CCDC178: variants seen among roughly 807,000 people sequenced by gnomAD.
CCDC178 encodes the protein coiled-coil domain-containing protein 178.
A neutral mutation model predicts 117.4 loss-of-function variants in CCDC178; 126 were observed. The ratio of observed to expected loss-of-function variants is 1.07; its 90% CI spans 0.93 to 1.24. The LOEUF (loss-of-function observed/expected upper bound fraction) is 1.24, where lower values mean the gene tolerates loss of function less well. Among genes scored for constraint, CCDC178 ranks in the 50% most tolerant of loss-of-function variants. The pLI, the probability that CCDC178 is intolerant of heterozygous loss-of-function variation, is 0.00. For missense variants in CCDC178, 1,030 were observed against 986.9 expected, an observed-to-expected ratio of 1.04 and a Z score of -0.59; for synonymous variants, 283 against 313.4, an observed-to-expected ratio of 0.90 and a Z score of 1.02.
At chr18:33,209,034 A>T (rs140775415) in intron 20 of CCDC178, among the ~76,000 whole-genome samples, 1 of 152,156 alleles carries the variant, frequency 6.6e-6, no homozygotes, top group East Asian at 1.9e-4. Context: ...TCTAAGGACA[A>T]CTCATAACAA....
intron 2 of CCDC178, among the ~76,000 whole-genome samples, chr18:33,425,332 T>G (rs1414100789): frequency 1.3e-5 from 2 of 152,118 alleles, no homozygotes; most frequent in African/African-American, 4.8e-5. Context: ...AAACACAATA[T>G]TTATGGAAAA....
At chr18:33,279,794 G>A (rs1287861434) in intron 12 of CCDC178, among the ~76,000 whole-genome samples, 10 of 152,092 alleles carry the variant, frequency 6.6e-5, no homozygotes, top group South Asian at 2.1e-4. Context: ...CAGAAATAAC[G>A]CCGCTTATCT....
intron 21 of CCDC178, among the ~76,000 whole-genome samples, chr18:33,003,439 T>G (rs1262044568): frequency 2.0e-5 from 3 of 152,164 alleles, no homozygotes; most frequent in Non-Finnish European, 2.9e-5. Flanking sequence ...GAAAACCACA[T>G]GATCATTCCA....
At chr18:33,258,286 C>G (rs1016818051) in intron 14 of CCDC178, among the ~76,000 whole-genome samples, 1 of 152,028 alleles carries the variant, frequency 6.6e-6, no homozygotes. Flanking sequence ...TGAATTACCC[C>G]TCTCATACAA....
intron 21 of CCDC178, among the ~76,000 whole-genome samples, chr18:32,990,804 G>A (rs1465107270): frequency 2.6e-5 from 4 of 151,922 alleles, no homozygotes; most frequent in South Asian, 2.1e-4. Flanking sequence ...CAGGATTTAT[G>A]TATAGATCTT....
chr18:33,035,399 A>T (rs1220152537), intron 21 of CCDC178, among the ~76,000 whole-genome samples: 3 of 152,020 alleles, frequency 2.0e-5, no homozygotes. Context: ...AAAATATCAC[A>T]TATATCCACA....
At chr18:33,330,515 G>A (rs1281080418) in intron 10 of CCDC178, among the ~76,000 whole-genome samples, 2 of 152,124 alleles carry the variant, frequency 1.3e-5, no homozygotes, top group Admixed American at 1.3e-4. Context: ...AGGAATTTAA[G>A]ATGTGATGGA....
At chr18:33,412,284 T>C (rs1333216781) in intron 2 of CCDC178, among the ~76,000 whole-genome samples, 174 bp from the exon 3 acceptor site, 18 of 152,090 alleles carry the variant, frequency 1.2e-4, no homozygotes, top group Admixed American at 1.2e-3. Flanking sequence ...CATTCAGAAA[T>C]ATCAAATATA....
intron 21 of CCDC178, chr18:32,983,209 G>A: frequency 1.2e-6 from 1 of 861,740 alleles, no homozygotes; most frequent in African/African-American, 1.7e-5. Context: ...GTGACAATGT[G>A]TGACACTTGT....
At chr18:33,278,323 C>A (rs1285454956) in intron 12 of CCDC178, among the ~76,000 whole-genome samples, 2 of 144,806 alleles carry the variant, frequency 1.4e-5, no homozygotes, top group South Asian at 2.1e-4. Context: ...ATATTTACTT[C>A]ATGAGAAAGA....
chr18:33,264,838 A>C (rs140468400), intron 14 of CCDC178, among the ~76,000 whole-genome samples: 1 of 152,070 alleles, frequency 6.6e-6, no homozygotes, highest in Non-Finnish European at 1.5e-5. Flanking sequence ...TTTTCCCTCT[A>C]TTACCAGCTA....
chr18:33,092,932 T>A lies in CCDC178; in HGVS notation c.2239-22A>T, dbSNP rs777391598. The A allele has an allele frequency of 2.5e-5, 35 of 1,423,942 alleles. 1 individual carries two copies. Among genetic ancestry groups the A allele is most frequent in the Non-Finnish European group, 3.2e-5 (33 of 1,044,258 alleles). 88.2% of individuals were successfully genotyped at this position (1,423,942 alleles called of 1,614,324 possible). On this transcript the variant is annotated intron_variant, in intron 20 of 22. Coordinates refer to ENST00000383096, the MANE Select transcript of CCDC178 (RefSeq NM_001105528.4). ...TTTTCTAGAAGGTAAAAAAATATAA[T>A]TGAATTGTGTGTATATATATATAAA... is the stretch of plus-strand genomic sequence containing the variant.
rs1252361615 is a variant in CCDC178, at chr18:33,215,545, C to T, written c.2078+5G>A. ...TTCATATTTTGATAAAGTTTAAGTA[C>T]TTACTTTAATATTTCAAGTGTCTGA... On this transcript the variant is annotated splice_donor_5th_base_variant and intron_variant, in intron 19 of 22. Coordinates refer to ENST00000383096, the MANE Select transcript of CCDC178 (RefSeq NM_001105528.4). 1.6e-5 allele frequency: 21 copies of T among 1,298,480 alleles called. No homozygotes were observed. Among genetic ancestry groups the T allele is most frequent in the Admixed American group, 3.3e-5 (1 of 29,974 alleles). The allele number at this position is 1,298,480 out of a possible 1,614,324, so 80.4% of individuals were successfully genotyped here. A position where few individuals can be genotyped will look rare whatever the true frequency, so the allele number is the denominator to read the frequency against.
At chr18:32,982,638 A>T (rs1335229101) in intron 21 of CCDC178, among the ~76,000 whole-genome samples, 1 of 152,188 alleles carries the variant, frequency 6.6e-6, no homozygotes, top group East Asian at 1.9e-4. Flanking sequence ...TCCAGTTTCA[A>T]CTGGTAGTTG....
At chr18:33,338,399 C>G (rs1162311798) in intron 9 of CCDC178, among the ~76,000 whole-genome samples, 1 of 152,164 alleles carries the variant, frequency 6.6e-6, no homozygotes, top group Non-Finnish European at 1.5e-5. Flanking sequence ...AATCCCATTA[C>G]TAGGTATCTA....
intron 20 of CCDC178, among the ~76,000 whole-genome samples, chr18:33,137,547 T>A (rs1298955448): frequency 6.6e-6 from 1 of 152,182 alleles, no homozygotes; most frequent in Non-Finnish European, 1.5e-5. Context: ...CTTCCCAGGT[T>A]TTATCTAAGT....
chr18:33,306,458 TTATATATATATATG>T (rs2062252041), intron 11 of CCDC178, among the ~76,000 whole-genome samples: 1 of 113,146 alleles, frequency 8.8e-6, no homozygotes, highest in Non-Finnish European at 1.8e-5. Flanking sequence ...GTACATATGG[TTATATATATATATG>T]GTTATATATA....
At chr18:33,407,520 A>C (rs2063797114) in intron 3 of CCDC178, among the ~76,000 whole-genome samples, 1 of 152,150 alleles carries the variant, frequency 6.6e-6, no homozygotes, top group Admixed American at 6.6e-5. Context: ...GAAAAGGTTA[A>C]CACAAATGAA....
At chr18:32,953,306 T>C (rs1455549117) in intron 22 of CCDC178, among the ~76,000 whole-genome samples, 1 of 152,230 alleles carries the variant, frequency 6.6e-6, no homozygotes, top group Non-Finnish European at 1.5e-5. Context: ...TCATTGTCTA[T>C]ATCATTATCA....
Sources: allele counts gnomAD v4.1 joint callset (sites outside exome capture counted in the v4.1 genomes callset), GRCh38; gene constraint gnomAD v4.1.1; transcripts MANE v1.5; gene names NCBI Gene and HGNC (gene_info 2026-07-23, HGNC 2026-07-21).